Variants in TMEM131L observed in about 807,000 individuals in gnomAD.
The protein encoded by TMEM131L is transmembrane 131 like.
In TMEM131L, 54 loss-of-function variants were observed where a neutral mutation model predicts 192.2. The ratio of observed to expected loss-of-function variants is 0.28; its 90% confidence interval spans 0.23 to 0.35. The LOEUF (loss-of-function observed/expected upper bound fraction) is 0.35. Ranked by LOEUF, TMEM131L falls within the 10% of genes least tolerant of loss-of-function variation. TMEM131L has a pLI of 1.00. For missense variants in TMEM131L, 1,888 were observed against 1,972.9 expected, an observed-to-expected ratio of 0.96 and a Z score of 0.82; for synonymous variants, 701 against 704.9, an observed-to-expected ratio of 0.99 and a Z score of 0.09.
At chr4:153,480,948 A>G (rs1412658622) in intron 3 of TMEM131L, among the ~76,000 whole-genome samples, 2 of 152,014 alleles carry the variant, frequency 1.3e-5, no homozygotes, top group Non-Finnish European at 2.9e-5. Flanking sequence ...TAGCCACCCC[A>G]TCCTGTTCTC....
intron 7 of TMEM131L, among the ~76,000 whole-genome samples, chr4:153,570,819 C>T (rs1448919661): frequency 2.0e-5 from 3 of 152,156 alleles, no homozygotes; most frequent in Admixed American, 2.0e-4. Context: ...CCACTTATTT[C>T]AACTGGAGTG....
intron 4 of TMEM131L, among the ~76,000 whole-genome samples, chr4:153,553,736 A>G (rs1737806419): frequency 6.6e-6 from 1 of 152,136 alleles, no homozygotes; most frequent in Admixed American, 6.6e-5. Context: ...CCTTCTGCCT[A>G]CTTCTTAGGG....
chr4:153,490,792 AAAAAT>A (rs1191326388), intron 3 of TMEM131L, among the ~76,000 whole-genome samples: 9 of 151,954 alleles, frequency 5.9e-5, no homozygotes, highest in African/African-American at 1.9e-4. Flanking sequence ...CATCTCTACT[AAAAAT>A]AAAAATATTA....
chr4:153,600,715 C>G (rs183863397), intron 21 of TMEM131L, among the ~76,000 whole-genome samples: 2 of 152,330 alleles, frequency 1.3e-5, no homozygotes, highest in East Asian at 3.9e-4. Context: ...AGAAACCTGG[C>G]TGGTGAAACC....
At chr4:153,467,144 A>G in intron 1 of TMEM131L, 67 bp from the exon 2 acceptor site, 1 of 1,455,870 alleles carries the variant, frequency 6.9e-7, no homozygotes, top group South Asian at 1.2e-5. Flanking sequence ...GAGGGACGGT[A>G]GGGGAAACAG....
chr4:153,577,552 G>A (rs917809874), intron 7 of TMEM131L, among the ~76,000 whole-genome samples: 2 of 152,138 alleles, frequency 1.3e-5, no homozygotes, highest in Admixed American at 6.5e-5. Flanking sequence ...ATAAAGGAAC[G>A]GGCATGGCTG....
At chr4:153,534,534 A>C (rs1033038698) in intron 3 of TMEM131L, among the ~76,000 whole-genome samples, 12 of 152,128 alleles carry the variant, frequency 7.9e-5, no homozygotes, top group Non-Finnish European at 1.3e-4. Context: ...CCCGGGTTCA[A>C]GCGATTCTCC....
chr4:153,570,289 G>A (rs1729499600), intron 7 of TMEM131L, among the ~76,000 whole-genome samples: 1 of 152,212 alleles, frequency 6.6e-6, no homozygotes, highest in Non-Finnish European at 1.5e-5. Flanking sequence ...ATTTTAAGCA[G>A]AATCGTCCCT....
Position 153,586,288 on chromosome 4 carries a change from T to C in TMEM131L, c.1391T>C (p.Ile464Thr). The C allele has an allele frequency of 6.2e-7, 1 of 1,604,626 alleles. No homozygotes were observed. The highest frequency in any genetic ancestry group is 1.3e-5 in the African/African-American group (1 of 74,656). Residue 464 changes from isoleucine to threonine, a missense_variant, in exon 14 of 35, where the codon ATT (isoleucine) becomes ACT (threonine). Physicochemically the swap from Ile to Thr is moderately conservative, Grantham distance 89. Transcript: ENST00000409959. ...IFSLKLAVKD[I>T]AINLFTNVFL... The stretch of plus-strand genomic sequence containing the variant: ...TCTTTGAAACTTGCTGTTAAAGACA[T>C]TGCCATAAATCTATTCACCAATGTA...
At chr4:153,607,841 G>A (rs963512148) in intron 25 of TMEM131L, among the ~76,000 whole-genome samples, 2 of 152,230 alleles carry the variant, frequency 1.3e-5, no homozygotes, top group Non-Finnish European at 2.9e-5. Context: ...TAGAAAATGT[G>A]TCATATTTGG....
chr4:153,501,276 G>T (rs1260095260), intron 3 of TMEM131L, among the ~76,000 whole-genome samples: 3 of 150,614 alleles, frequency 2.0e-5, no homozygotes, highest in African/African-American at 7.4e-5. Flanking sequence ...CGCGATCTTG[G>T]CTCACTGCAA....
At chr4:153,529,670 G>A (rs981764681) in intron 3 of TMEM131L, among the ~76,000 whole-genome samples, 3 of 152,330 alleles carry the variant, frequency 2.0e-5, no homozygotes, top group Admixed American at 1.3e-4. Context: ...TTAAGGGTAT[G>A]TGTACGTTTT....
chr4:153,483,148 C>G (rs1213289863), intron 3 of TMEM131L, among the ~76,000 whole-genome samples: 4 of 152,116 alleles, frequency 2.6e-5, no homozygotes, highest in African/African-American at 9.7e-5. Context: ...TCTGGGGAAG[C>G]TGGATATTAT....
chr4:153,550,723 A>T (rs1173809357), intron 4 of TMEM131L, among the ~76,000 whole-genome samples: 1 of 109,002 alleles, frequency 9.2e-6, no homozygotes, highest in Non-Finnish European at 1.6e-5. Flanking sequence ...GTTATTTTAT[A>T]ATGAAAAACT....
At chr4:153,558,942 T>C (rs1371886007) in intron 7 of TMEM131L, among the ~76,000 whole-genome samples, 1 of 152,264 alleles carries the variant, frequency 6.6e-6, no homozygotes, top group Non-Finnish European at 1.5e-5. Context: ...TAGGGTTGGC[T>C]ACTTTTTCCC....
At chr4:153,569,901 C>T (rs780159445) in intron 7 of TMEM131L, among the ~76,000 whole-genome samples, 1 of 152,186 alleles carries the variant, frequency 6.6e-6, no homozygotes, top group Non-Finnish European at 1.5e-5. Context: ...GAGATTAGAA[C>T]CCCCAACGGG....
At chr4:153,528,683 A>T (rs1315863456) in intron 3 of TMEM131L, among the ~76,000 whole-genome samples, 1 of 152,186 alleles carries the variant, frequency 6.6e-6, no homozygotes, top group Non-Finnish European at 1.5e-5. Flanking sequence ...GTTCATATTA[A>T]AGTTGCTGTT....
intron 25 of TMEM131L, among the ~76,000 whole-genome samples, chr4:153,608,844 A>G (rs907413457): frequency 1.3e-5 from 2 of 152,170 alleles, no homozygotes; most frequent in Non-Finnish European, 2.9e-5. Context: ...CTGTTTTTTA[A>G]CCACTTTTAA....
intron 3 of TMEM131L, among the ~76,000 whole-genome samples, chr4:153,504,839 A>G (rs1053171957): frequency 6.6e-6 from 1 of 152,214 alleles, no homozygotes; most frequent in African/African-American, 2.4e-5. Context: ...GCCACAGACA[A>G]CATGCCATTG....
Sources: allele counts gnomAD v4.1 joint callset (sites outside exome capture counted in the v4.1 genomes callset), GRCh38; gene constraint gnomAD v4.1.1; transcripts MANE v1.5; gene names NCBI Gene and HGNC (gene_info 2026-07-23, HGNC 2026-07-21).